ITGB4: variants seen among roughly 807,000 people sequenced by gnomAD.
ITGB4 encodes integrin beta-4.
Under a neutral mutation model 207.6 loss-of-function variants are expected in ITGB4, and 159 were observed. That is an observed-to-expected ratio of 0.77 (90% CI 0.67 to 0.87). The LOEUF (loss-of-function observed/expected upper bound fraction) is 0.87. Among genes scored for constraint, ITGB4 ranks in the 40% least tolerant of loss-of-function variants. The pLI is 0.00. For missense variants in ITGB4, 2,278 were observed against 2,546.8 expected (o/e 0.89, Z 2.27); for synonymous variants, 1,020 against 1,062.7 (o/e 0.96, Z 0.78).
chr17:75,743,884 A>C, intron 26 of ITGB4, 23 bp downstream of exon 26: 4 of 1,561,372 alleles, frequency 2.6e-6, no homozygotes, highest in Non-Finnish European at 2.6e-6. Flanking sequence ...CACAGGGTCG[A>C]GGGTGCAGCC....
At chr17:75,738,640 A>G (rs2061036452) in intron 18 of ITGB4, among the ~76,000 whole-genome samples, 1 of 152,256 alleles carries the variant, frequency 6.6e-6, no homozygotes, top group Non-Finnish European at 1.5e-5. Flanking sequence ...GGGAGCCACA[A>G]CAGGGAAGAA....
chr17:75,738,633 A>G (rs1236549581), intron 18 of ITGB4, among the ~76,000 whole-genome samples: 1 of 152,200 alleles, frequency 6.6e-6, no homozygotes, highest in African/African-American at 2.4e-5. Context: ...AAGGCCTGGG[A>G]GCCACAACAG....
Position 75,731,420 on chromosome 17 carries a change from C to A in ITGB4, c.1215+52C>A, listed in dbSNP as rs374518183. The A allele has an allele frequency of 7.1e-6, 11 of 1,557,634 alleles. No homozygotes were observed. Among genetic ancestry groups the A allele is most frequent in the Non-Finnish European group, 9.6e-6 (11 of 1,141,696 alleles). ...GGGGGATAGGCACAGCGCCCCACAC[C>A]GAGTGGAATCGTTTAAAACAGCGGT... is the stretch of plus-strand genomic sequence containing the variant. On this transcript the variant is annotated intron_variant, in intron 10 of 39. Coordinates refer to ENST00000200181, the MANE Select transcript of ITGB4 (RefSeq NM_000213.5). The surrounding 1 kb of genome is among the most constrained non-coding windows in gnomAD (Gnocchi z 6.8).
chr17:75,736,554 T>G lies in ITGB4; in HGVS notation c.1861-11T>G, dbSNP rs1013996073. ...ACACAGTGCCTGTCTGCCCCGCCTT[T>G]CCCCGCCAAGATCCACCCGGGCCTC... is the stretch of plus-strand genomic sequence containing the variant. On this transcript the variant is annotated splice_polypyrimidine_tract_variant and intron_variant, in intron 15 of 39. Coordinates refer to ENST00000200181, the MANE Select transcript of ITGB4 (RefSeq NM_000213.5). The G allele has an allele frequency of 1.9e-6, 3 of 1,592,090 alleles. No homozygotes were observed. Among genetic ancestry groups the G allele is most frequent in the Non-Finnish European group, 2.6e-6 (3 of 1,169,870 alleles).
chr17:75,749,639 T>C (rs1050923938), intron 27 of ITGB4, among the ~76,000 whole-genome samples: 20 of 152,172 alleles, frequency 1.3e-4, no homozygotes, highest in African/African-American at 4.8e-4. Context: ...CAATAGGAAT[T>C]CTCCCATCAG....
At chr17:75,730,660 T>G (rs1248810076) in intron 8 of ITGB4, among the ~76,000 whole-genome samples, 156 bp downstream of exon 8, 3 of 144,350 alleles carry the variant, frequency 2.1e-5, no homozygotes, top group Non-Finnish European at 4.5e-5. Flanking sequence ...CCCAAAGCCT[T>G]TAGACCCCCC....
intron 13 of ITGB4, among the ~76,000 whole-genome samples, chr17:75,734,881 G>A (rs1364082111): frequency 5.3e-5 from 8 of 152,230 alleles, no homozygotes; most frequent in Non-Finnish European, 2.9e-5. Flanking sequence ...AAGGGCTTCG[G>A]TTCTAGTCCA....
intron 35 of ITGB4, among the ~76,000 whole-genome samples, chr17:75,756,101 C>G (rs1011507997): frequency 1.3e-5 from 2 of 152,198 alleles, no homozygotes; most frequent in Non-Finnish European, 2.9e-5. Context: ...TAACAAGGCC[C>G]CTTTGGGCTG....
chr17:75,757,431 G>A lies in ITGB4; in HGVS notation c.5345G>A (p.Gly1782Glu), dbSNP rs1198862948. The A allele has an allele frequency of 6.2e-7, 1 of 1,613,214 alleles. No individual in the cohort carries two copies. Among genetic ancestry groups the A allele is most frequent in the East Asian group, 2.2e-5 (1 of 44,880 alleles). The change falls in exon 40 of 40, where the codon GGG becomes GAG. Residue 1782 changes from glycine to glutamate, a missense_variant. Transcript: ENST00000200181. ...EPFLVDGLTL[G>E]AQHLEAGGSL... ...TCCTCCACAGATGGGCTGACCCTGGGGGCCCAGCACCTGGAGGCAGGCGGC... is the reference window on the plus strand; with the variant it reads ...TCCTCCACAGATGGGCTGACCCTGGAGGCCCAGCACCTGGAGGCAGGCGGC...
intron 32 of ITGB4, 86 bp downstream of exon 32, chr17:75,752,663 C>G: frequency 6.5e-7 from 1 of 1,537,742 alleles, no homozygotes; most frequent in South Asian, 1.1e-5. Context: ...GGCAAAGGGG[C>G]CAGCAACTAG....
rs1260807671 is a variant in ITGB4, at chr17:75,736,713, G to A, written c.1990+19G>A. ...AAGAGAGGTAGGGGCAGGGGCTGAG[G>A]GTTGGGGTTGCTGAGAGCCTAGGCA... is the stretch of plus-strand genomic sequence containing the variant. On this transcript the variant is annotated intron_variant, in intron 16 of 39. Coordinates refer to ENST00000200181, the MANE Select transcript of ITGB4 (RefSeq NM_000213.5). 2 of 1,586,516 alleles carry A rather than the reference G, an allele frequency of 1.3e-6. No individual in the cohort carries two copies. Among genetic ancestry groups the A allele is most frequent in the Non-Finnish European group, 1.7e-6 (2 of 1,167,960 alleles).
At chr17:75,744,809 G>T (rs1344140121) in intron 26 of ITGB4, among the ~76,000 whole-genome samples, 1 of 151,786 alleles carries the variant, frequency 6.6e-6, no homozygotes, top group African/African-American at 2.4e-5. Context: ...CTTAATTTTT[G>T]GGGGAGACAG....
intron 12 of ITGB4, 53 bp from the exon 13 acceptor site, chr17:75,733,432 GCAAAA>G: frequency 4.3e-6 from 6 of 1,399,206 alleles, no homozygotes; most frequent in Non-Finnish European, 6.1e-6. Flanking sequence ...AAATGGGACA[GCAAAA>G]GCCCCAGCTT....
chr17:75,757,010 C>T lies in ITGB4; in HGVS notation c.5121C>T (p.Ser1707=), dbSNP rs201439404. 1.7e-5 allele frequency: 28 copies of T among 1,612,874 alleles called. 1 individual carries two copies. The Admixed American group carries it at 2.5e-4, about 14-fold the overall frequency. ...PESRLTVPGL[S]ENVPYKFKVQ... ...GCCGGCTGACCGTGCCGGGCCTCAG[C>T]GAGAACGTGCCCTACAAGTTCAAGG... The change falls in exon 38 of 40, where the codon AGC becomes AGT. Residue 1707 remains serine (S), a synonymous_variant. Coordinates refer to ENST00000200181, the MANE Select transcript of ITGB4 (RefSeq NM_000213.5).
chr17:75,724,568 C>T, intron 1 of ITGB4, 126 bp from the exon 2 acceptor site: 1 of 794,084 alleles, frequency 1.3e-6, no homozygotes, highest in Non-Finnish European at 2.2e-6. Context: ...CCTCTGGCGG[C>T]TGGGCGCCCT....
intron 26 of ITGB4, among the ~76,000 whole-genome samples, chr17:75,746,929 C>T (rs1466654973): frequency 2.8e-5 from 2 of 70,866 alleles, no homozygotes; most frequent in African/African-American, 5.5e-5. Context: ...ACCCCTGTCT[C>T]AAAAAAAAAA....
chr17:75,740,137 G>A lies in ITGB4; in HGVS notation c.2446+66G>A. 1 of 1,507,300 alleles carries A rather than the reference G, an allele frequency of 6.6e-7. No individual in the cohort carries two copies. The highest frequency in any genetic ancestry group is 2.3e-5 in the East Asian group (1 of 42,556). The allele number at this position is 1,507,300 out of a possible 1,614,324, so 93.4% of individuals were successfully genotyped here. A position where few individuals can be genotyped will look rare whatever the true frequency, so the allele number is the denominator to read the frequency against. On this transcript the variant is annotated intron_variant, in intron 20 of 39. Transcript: ENST00000200181. The surrounding 1 kb of genome is among the most constrained non-coding windows in gnomAD (Gnocchi z 5.9). ...TTCGGGCCCTCTGTTCCAGATCTGG[G>A]ATCACAGCATGCCTCTTCTCTGGGT... is the stretch of plus-strand genomic sequence containing the variant.
chr17:75,742,181 G>A lies in ITGB4; in HGVS notation c.2634-160G>A, dbSNP rs2061125926. Among the ~76,000 whole-genome samples, 1 of 152,260 alleles carries A rather than the reference G, an allele frequency of 6.6e-6. No homozygotes were observed. The highest frequency in any genetic ancestry group is 2.4e-5 in the African/African-American group (1 of 41,476). The stretch of plus-strand genomic sequence containing the variant: ...GCTGAGGCTGCAGGGTAAAGGGTAT[G>A]GGGCTGGCATAGGCCTGGAGCACTG... On this transcript the variant is annotated intron_variant, in intron 23 of 39. Transcript: ENST00000200181. The surrounding 1 kb of genome is among the most constrained non-coding windows in gnomAD (Gnocchi z 5.9).
At chr17:75,753,229 C>A (rs1381496088) in intron 32 of ITGB4, among the ~76,000 whole-genome samples, 2 of 152,256 alleles carry the variant, frequency 1.3e-5, no homozygotes, top group African/African-American at 4.8e-5. Flanking sequence ...CCCCGGTGAA[C>A]ACATACTGGC....
Sources: gnomAD v4.1 joint callset for allele counts (sites outside exome capture counted in the v4.1 genomes callset) on GRCh38, gnomAD v4.1.1 for gene constraint, Gnocchi (gnomAD v3.1) non-coding constraint, MANE v1.5 for transcripts, NCBI Gene and HGNC (gene_info 2026-07-23, HGNC 2026-07-21) for gene names.